ING3: variants seen among roughly 807,000 people sequenced by gnomAD.
The protein encoded by ING3 is inhibitor of growth family member 3.
In ING3, 6 loss-of-function variants were observed where a neutral mutation model predicts 64.8. That is an observed-to-expected ratio of 0.09 (90% CI 0.05 to 0.18). The LOEUF is 0.18. ING3 is among the 10% of genes least tolerant of loss of function. The probability of loss-of-function intolerance (pLI) is 1.00; values close to 1 mark genes in which losing one functional copy is unlikely to be tolerated. For missense variants in ING3, 310 were observed against 489.7 expected, an observed-to-expected ratio of 0.63 and a Z score of 3.46; for synonymous variants, 170 against 173.7, an observed-to-expected ratio of 0.98 and a Z score of 0.17.
At chr7:120,965,890 A>AT (rs1447342134) in intron 5 of ING3, among the ~76,000 whole-genome samples, 2 of 152,278 alleles carry the variant, frequency 1.3e-5, no homozygotes, top group East Asian at 3.9e-4. Flanking sequence ...ATCTGCTTTG[A>AT]TTTTTTAAAA....
rs1268273338 is a variant in ING3, at chr7:120,964,820, A to G, written c.346A>G (p.Thr116Ala). The part of the protein sequence containing the change: ...MELEADNAGI[T>A]EILERRSLEL... ...GCTGGAAGCTGATAATGCTGGAATT[A>G]CAGAAATATTAGAGAGGCGTAAGTA... Residue 116 changes from threonine (T) to alanine (A), a missense_variant, in exon 5 of 12, where the codon ACA (threonine) becomes GCA (alanine). Around this residue, in one of 3 missense-constraint regions of ING3, gnomAD observed 233 missense variants for 289.4 expected, o/e 0.81. Transcript: ENST00000315870. 1.2e-6 allele frequency: 2 copies of G among 1,613,024 alleles called. No individual in the cohort carries two copies. The highest frequency in any genetic ancestry group is 2.2e-5 in the South Asian group (2 of 91,058).
chr7:120,951,032 T>A, intron 1 of ING3, 108 bp downstream of exon 1: 1 of 1,512,232 alleles, frequency 6.6e-7, no homozygotes, highest in Non-Finnish European at 9.2e-7. Flanking sequence ...GGGGGATGTT[T>A]CTTTCTCACG....
chr7:120,964,630 A>G (rs1795974933), intron 4 of ING3, 112 bp from the exon 5 acceptor site: 2 of 722,634 alleles, frequency 2.8e-6, no homozygotes, highest in South Asian at 3.4e-5. Flanking sequence ...GACTTGCTCA[A>G]GGATACTAAG....
At chr7:120,956,103 G>T in intron 4 of ING3, 1 of 1,101,358 alleles carries the variant, frequency 9.1e-7, no homozygotes, top group Non-Finnish European at 1.4e-6. Context: ...TAACAGCTGT[G>T]TCAGTTGTTT....
rs1168396032 is a variant in ING3 at position 120,976,823 on chromosome 7, A to C, written c.*1979A>C. 6.6e-6 allele frequency: 1 copy of C among 152,202 alleles called. No individual in the cohort carries two copies. The highest frequency in any genetic ancestry group is 2.4e-5 in the African/African-American group (1 of 41,448). The allele number at this position is 152,202 out of a possible 1,614,324, so 9.4% of individuals were successfully genotyped here. Reference sequence around the variant, plus strand: ...TTAGAAAACACTTTGACAAGTTTTAAACTCAAACACTGAATATTTTATGAA... The same window carrying C: ...TTAGAAAACACTTTGACAAGTTTTACACTCAAACACTGAATATTTTATGAA... On this transcript the variant is annotated 3_prime_UTR_variant, in exon 12 of 12. Transcript: ENST00000315870.
chr7:120,955,915 C>T, intron 4 of ING3: 1 of 564,888 alleles, frequency 1.8e-6, no homozygotes, highest in Non-Finnish European at 3.1e-6. Flanking sequence ...CTTTATTTTA[C>T]TAATCCTTGT....
At chr7:120,971,901 T>A (rs1796074282) in intron 10 of ING3, among the ~76,000 whole-genome samples, 1 of 152,266 alleles carries the variant, frequency 6.6e-6, no homozygotes, top group Middle Eastern at 3.4e-3. Context: ...CTAAACCCTG[T>A]CCAACACTGG....
In ING3 at chr7:120,970,822, A is replaced by G. The variant is rs1375093160; in HGVS notation, c.1043A>G (p.Asn348Ser). 4 of 1,613,868 alleles carry G rather than the reference A, an allele frequency of 2.5e-6. No homozygotes were observed. The highest frequency in any genetic ancestry group is 1.1e-5 in the South Asian group (1 of 91,080). Reference sequence around the variant, plus strand: ...ACTGTAGTGCCAGAATCTGATTCAAATAGTCAGGTTGATTGGACTTACGAC... The same window carrying G: ...ACTGTAGTGCCAGAATCTGATTCAAGTAGTCAGGTTGATTGGACTTACGAC... ...QTTVVPESDSNSQVDWTYDPN... is the reference protein window; with the variant it reads ...QTTVVPESDSSSQVDWTYDPN... Residue 348 changes from asparagine to serine, a missense_variant, in exon 10 of 12, where the codon AAT (asparagine) becomes AGT (serine). Transcript: ENST00000315870.
At chr7:120,967,267 C>T (rs1485596306) in intron 6 of ING3, among the ~76,000 whole-genome samples, 1 of 152,162 alleles carries the variant, frequency 6.6e-6, no homozygotes, top group Non-Finnish European at 1.5e-5. Context: ...CAAAATTTCC[C>T]TCACATTGTA....
At chr7:120,957,098 G>A (rs1313470436) in intron 4 of ING3, 5 of 163,160 alleles carry the variant, frequency 3.1e-5, no homozygotes, top group African/African-American at 4.8e-5. Flanking sequence ...TAGGCCGGGC[G>A]CAGTGGCTCA....
rs894567100 is a variant in ING3 at position 120,950,931 on chromosome 7, G to T, written c.28+7G>T. The T allele has an allele frequency of 2.5e-6, 4 of 1,613,236 alleles. No homozygotes were observed. In the East Asian group the frequency reaches 8.9e-5, roughly 36 times the overall value. Reference sequence around the variant, plus strand: ...CTAGAAGACTATCTGGAAAGTGAGTGCGCGGCGCTGGCGGCGGCCGCCAGT... The same window carrying T: ...CTAGAAGACTATCTGGAAAGTGAGTTCGCGGCGCTGGCGGCGGCCGCCAGT... On this transcript the variant is annotated splice_region_variant and intron_variant, in intron 1 of 11. Transcript: ENST00000315870.
At chr7:120,971,499 G>A (rs562654979) in intron 10 of ING3, among the ~76,000 whole-genome samples, 1 of 152,146 alleles carries the variant, frequency 6.6e-6, no homozygotes, top group Non-Finnish European at 1.5e-5. Flanking sequence ...TTCATAACAC[G>A]TGTCTATGCA....
intron 4 of ING3, 65 bp from the exon 5 acceptor site, chr7:120,964,677 C>A: frequency 7.8e-7 from 1 of 1,285,734 alleles, no homozygotes; most frequent in Non-Finnish European, 1.1e-6. Context: ...TAGGTTTCCT[C>A]ATTAAGCTGA....
intron 4 of ING3, chr7:120,957,021 T>TTTTAAA (rs1795858618): frequency 7.0e-6 from 2 of 285,092 alleles, no homozygotes; most frequent in Non-Finnish European, 1.1e-5. Flanking sequence ...ACCACACTGT[T>TTTTAAA]CATCCACTCT....
At chr7:120,951,083 C>T (rs574163629) in intron 1 of ING3, 81 bp from the exon 2 acceptor site, 19 of 1,549,244 alleles carry the variant, frequency 1.2e-5, no homozygotes, top group Non-Finnish European at 1.6e-5. Flanking sequence ...CCCCCTCGAC[C>T]CCCCTGACGC....
chr7:120,965,502 G>A (rs796782733), intron 5 of ING3, among the ~76,000 whole-genome samples: 9 of 152,308 alleles, frequency 5.9e-5, no homozygotes, highest in African/African-American at 1.9e-4. Context: ...AAAGCAGTTA[G>A]TGTGGTACTA....
intron 4 of ING3, chr7:120,955,920 C>T (rs1795839782): frequency 1.8e-6 from 1 of 568,722 alleles, no homozygotes; most frequent in Admixed American, 3.4e-5. Context: ...TTTTACTAAT[C>T]CTTGTCTTCT....
chr7:120,951,007 GAGGGA>G, intron 1 of ING3, 83 bp downstream of exon 1: 2 of 1,402,582 alleles, frequency 1.4e-6, no homozygotes, highest in Non-Finnish European at 2.0e-6. Flanking sequence ...GAGATGGCGG[GAGGGA>G]GGGGGCGGCG....
At chr7:120,971,239 C>T (rs1796066278) in intron 10 of ING3, among the ~76,000 whole-genome samples, 1 of 152,184 alleles carries the variant, frequency 6.6e-6, no homozygotes, top group Non-Finnish European at 1.5e-5. Context: ...AAGGTGTCCA[C>T]TGACTCAGTT....
Sources: gnomAD v4.1 joint callset for allele counts (sites outside exome capture counted in the v4.1 genomes callset) on GRCh38, gnomAD v4.1.1 for gene constraint, gnomAD v4.1.1 regional missense constraint, MANE v1.5 for transcripts, NCBI Gene and HGNC (gene_info 2026-07-23, HGNC 2026-07-21) for gene names.